Variants in DPEP1 observed in about 807,000 individuals in gnomAD.
DPEP1 encodes beta-lactamase.
DPEP1 carries 50 observed loss-of-function variants against 42.3 expected under a neutral mutation model. The ratio of observed to expected loss-of-function variants is 1.18; its 90% CI spans 0.94 to 1.50. The LOEUF (loss-of-function observed/expected upper bound fraction) is 1.50, where lower values mean the gene tolerates loss of function less well. Ranked by LOEUF, DPEP1 falls within the 40% of genes most tolerant of loss-of-function variation. The pLI is 0.00. For synonymous variants in DPEP1, 297 were observed against 234.0 expected (o/e 1.27, Z -2.46); for missense variants, 663 against 553.0 (o/e 1.20, Z -1.99).
intron 1 of DPEP1, among the ~76,000 whole-genome samples, chr16:89,622,551 C>T (rs886767050): frequency 2.0e-5 from 3 of 152,016 alleles, no homozygotes. Context: ...TTTGGGAGGC[C>T]GAGGCGGGTG....
chr16:89,635,789 G>A (rs113720243), intron 2 of DPEP1, 119 bp from the exon 3 acceptor site: 15 of 1,374,832 alleles, frequency 1.1e-5, no homozygotes, highest in African/African-American at 7.3e-5. Context: ...CTAGACTTCA[G>A]TCCTGCGTCT....
chr16:89,629,206 C>T (rs890807116), intron 1 of DPEP1, among the ~76,000 whole-genome samples: 1 of 152,030 alleles, frequency 6.6e-6, no homozygotes. Flanking sequence ...AATGAAAATA[C>T]GATTTATCAT....
intron 1 of DPEP1, among the ~76,000 whole-genome samples, chr16:89,619,777 C>G (rs1312909281): frequency 1.8e-4 from 1 of 5,560 alleles, no homozygotes; most frequent in African/African-American, 1.7e-3. Context: ...TCCCTGCAGC[C>G]CCCTGCACCC....
intron 9 of DPEP1, 38 bp downstream of exon 9, chr16:89,637,745 G>A (rs1220707017): frequency 1.9e-6 from 3 of 1,612,890 alleles, no homozygotes; most frequent in Admixed American, 1.7e-5. Flanking sequence ...GATGAGCCGG[G>A]AGGTTCATGG....
chr16:89,638,403 A>T lies in DPEP1; in HGVS notation c.*181A>T. ...GGACAGTTCAGGACACACACACAGT[A>T]GGCCCGCAATAAAAGCAACACCCCT... On this transcript the variant is annotated 3_prime_UTR_variant, in exon 11 of 11. Transcript: ENST00000690203. 1 of 1,360,732 alleles carries T rather than the reference A, an allele frequency of 7.3e-7. No homozygotes were observed. The highest frequency in any genetic ancestry group is 9.4e-7 in the Non-Finnish European group (1 of 1,062,664). The allele number at this position is 1,360,732 out of a possible 1,614,324, so 84.3% of individuals were successfully genotyped here.
intron 2 of DPEP1, among the ~76,000 whole-genome samples, chr16:89,631,915 C>T (rs969429027): frequency 6.6e-6 from 1 of 152,124 alleles, no homozygotes; most frequent in Non-Finnish European, 1.5e-5. Context: ...AGGGTGGTCC[C>T]TGCATCCTCA....
chr16:89,638,820 C>A (rs374712681), downstream of DPEP1, among the ~76,000 whole-genome samples: 1 of 84,016 alleles, frequency 1.2e-5, no homozygotes, highest in Admixed American at 1.2e-4. Context: ...CACACACACC[C>A]CACCCCTGCA....
At position 89,614,033 on chromosome 16, in the gene DPEP1, A is replaced by G. The variant is rs581866; in HGVS notation, c.-107+314A>G. Among the ~76,000 whole-genome samples the G allele has an allele frequency of 2.1e-4, 28 of 132,200 alleles. No individual in the cohort carries two copies. In the East Asian group the frequency reaches 6.4e-3, roughly 30 times the overall value. The allele number at this position is 132,200 out of a possible 152,430, so 86.7% of individuals were successfully genotyped here. A position where few individuals can be genotyped will look rare whatever the true frequency, so the allele number is the denominator to read the frequency against. ...GCGGCTGCTTCCTGGGATTCTAGGAAACTGGGGCCAGGTGTGTGGGGCAGG... is the reference window on the plus strand; with the variant it reads ...GCGGCTGCTTCCTGGGATTCTAGGAGACTGGGGCCAGGTGTGTGGGGCAGG... On this transcript the variant is annotated intron_variant, in intron 1 of 10. Coordinates refer to ENST00000690203, the MANE Select transcript of DPEP1 (RefSeq NM_001389466.1).
downstream of DPEP1, chr16:89,640,748 C>T (rs556797415): frequency 1.5e-5 from 8 of 525,742 alleles, no homozygotes; most frequent in Non-Finnish European, 2.0e-5. Context: ...TTTGTAGGGT[C>T]CTACAGGGTC....
chr16:89,630,306 C>A lies in DPEP1; in HGVS notation c.-105C>A. The A allele has an allele frequency of 1.2e-6, 1 of 838,914 alleles. No homozygotes were observed. The highest frequency in any genetic ancestry group is 1.9e-6 in the Non-Finnish European group (1 of 522,114). 52.0% of individuals were successfully genotyped at this position (838,914 alleles called of 1,614,324 possible). A position where few individuals can be genotyped will look rare whatever the true frequency, so the allele number is the denominator to read the frequency against. On this transcript the variant is annotated splice_region_variant and 5_prime_UTR_variant, in exon 2 of 11. Transcript: ENST00000690203. ...CACCTCTGGTGCCTCTCCTGGCAGG[C>A]AGAGTGGCTCCTCACAGCCTGAAGC...
At chr16:89,618,942 C>T (rs1387515051) in intron 1 of DPEP1, among the ~76,000 whole-genome samples, 2 of 102,868 alleles carry the variant, frequency 1.9e-5, no homozygotes, top group Admixed American at 9.4e-5. Flanking sequence ...AGCTCCCTGC[C>T]CCCCTGCTCC....
At chr16:89,632,458 C>T (rs914952783) in intron 2 of DPEP1, among the ~76,000 whole-genome samples, 4 of 152,274 alleles carry the variant, frequency 2.6e-5, no homozygotes, top group Middle Eastern at 3.4e-3. Context: ...GCTGTGTGCC[C>T]GCTAAAAACG....
At position 89,636,558 on chromosome 16, in the gene DPEP1, G is replaced by A. The variant is rs778029646; in HGVS notation, c.396G>A (p.Gly132=). The A allele has an allele frequency of 6.2e-7, 1 of 1,612,574 alleles. No individual in the cohort carries two copies. Among genetic ancestry groups the A allele is most frequent in the Non-Finnish European group, 8.5e-7 (1 of 1,179,942 alleles). The change falls in exon 5 of 11, where the codon GGG becomes GGA. Residue 132 remains glycine (G), a synonymous_variant. Transcript: ENST00000690203. The part of the protein sequence containing the change: ...SAGIRQAFRE[G]KVASLIGVEG... ...GCATTCGGCAGGCCTTCCGGGAAGG[G>A]AAGGTGGCCAGCCTGATCGGCGTGG...
At position 89,636,544 on chromosome 16, in the gene DPEP1, G is replaced by A. The variant is rs1276007531; in HGVS notation, c.382G>A (p.Ala128Thr). 3 of 1,612,310 alleles carry A rather than the reference G, an allele frequency of 1.9e-6. No individual in the cohort carries two copies. Among genetic ancestry groups the A allele is most frequent in the Non-Finnish European group, 1.7e-6 (2 of 1,179,882 alleles). Residue 128 changes from alanine to threonine, a missense_variant, in exon 5 of 11, where the codon GCC (alanine) becomes ACC (threonine). Transcript: ENST00000690203. ...YVTSSAGIRQ[A>T]FREGKVASLI... ...GACTCTCCCCGCAGGCATTCGGCAG[G>A]CCTTCCGGGAAGGGAAGGTGGCCAG...
chr16:89,638,151 AGCCTCCATC>A lies in DPEP1; in HGVS notation c.1169_1177del (p.Leu390_Arg392del). 6.2e-7 allele frequency: 1 copy of A among 1,610,552 alleles called. No individual in the cohort carries two copies. The highest frequency in any genetic ancestry group is 1.1e-5 in the South Asian group (1 of 90,988). ...TTACGGCTACTCCTCTGGGGCTTCC[AGCCTCCATC>A]GCCACTGGGGGCTCCTGCTGGCCTC... is the stretch of plus-strand genomic sequence containing the variant. On this transcript the variant is annotated inframe_deletion, in exon 11 of 11. Coordinates refer to ENST00000690203, the MANE Select transcript of DPEP1 (RefSeq NM_001389466.1).
At chr16:89,634,091 CTTTTTTTT>C (rs3039849) in intron 2 of DPEP1, among the ~76,000 whole-genome samples, 1 of 123,688 alleles carries the variant, frequency 8.1e-6, no homozygotes, top group African/African-American at 3.7e-5. Flanking sequence ...TTCTCTTCTT[CTTTTTTTT>C]TTTTTTTTGG....
chr16:89,638,366 C>T lies in DPEP1; in HGVS notation c.*144C>T. ...AGGACGCCTGGGCTTACCTGGGGGG[C>T]AGGATGCCTGGGGACAGTTCAGGAC... On this transcript the variant is annotated 3_prime_UTR_variant, in exon 11 of 11. Transcript: ENST00000690203. The T allele has an allele frequency of 7.0e-7, 1 of 1,423,654 alleles. No individual in the cohort carries two copies. Among genetic ancestry groups the T allele is most frequent in the Middle Eastern group, 2.6e-4 (1 of 3,862 alleles). The allele number at this position is 1,423,654 out of a possible 1,614,324, so 88.2% of individuals were successfully genotyped here. A position where few individuals can be genotyped will look rare whatever the true frequency, so the allele number is the denominator to read the frequency against.
rs2059351999 is a variant in DPEP1 at position 89,613,690 on chromosome 16, A to ATCCCT, written c.-136_-135insTCCCT. The ATCCCT allele has an allele frequency of 1.3e-5, 2 of 152,738 alleles. No homozygotes were observed. The highest frequency in any genetic ancestry group is 1.3e-4 in the Admixed American group (2 of 15,292). The allele number at this position is 152,738 out of a possible 1,614,324, so 9.5% of individuals were successfully genotyped here. Reference sequence around the variant, plus strand: ...GGAGCTGCCTAGGCCGGGCCCTGCCAGGGAGCAAGTCTGCATCGCAGAGGC... The same window carrying ATCCCT: ...GGAGCTGCCTAGGCCGGGCCCTGCCATCCCTGGGAGCAAGTCTGCATCGCAGAGGC... On this transcript the variant is annotated 5_prime_UTR_variant, in exon 1 of 11. Transcript: ENST00000690203.
intron 1 of DPEP1, among the ~76,000 whole-genome samples, chr16:89,628,359 G>A (rs1340046717): frequency 6.7e-6 from 1 of 149,442 alleles, no homozygotes. Context: ...CCGGATTCAA[G>A]CGATTCTCCT....
Sources: allele counts gnomAD v4.1 joint callset (sites outside exome capture counted in the v4.1 genomes callset), GRCh38; gene constraint gnomAD v4.1.1; transcripts MANE v1.5; gene names NCBI Gene and HGNC (gene_info 2026-07-23, HGNC 2026-07-21).